The following ADGRD1 variants were observed in gnomAD, a reference collection of about 807,000 sequenced individuals.
ADGRD1 encodes the protein adhesion G protein-coupled receptor D1, also known as G-protein coupled receptor 133.
A neutral mutation model predicts 113.4 loss-of-function variants in ADGRD1; 77 were observed. The observed-to-expected ratio is 0.68, with a 90% CI of 0.57 to 0.82. The LOEUF (loss-of-function observed/expected upper bound fraction) is 0.82. ADGRD1 is among the 40% of genes least tolerant of loss of function. The pLI is 0.00. For missense variants in ADGRD1, 1,036 were observed against 1,139.1 expected (o/e 0.91, Z 1.30); for synonymous variants, 474 against 475.0 (o/e 1.00, Z 0.03).
intron 13 of ADGRD1, among the ~76,000 whole-genome samples, chr12:131,034,929 G>A (rs988965210): frequency 2.6e-5 from 4 of 152,150 alleles, no homozygotes; most frequent in East Asian, 3.9e-4. Context: ...CTGCTCCTCC[G>A]CCCCCTTCAG....
chr12:131,131,441 G>C (rs1950925041), intron 20 of ADGRD1, among the ~76,000 whole-genome samples: 1 of 152,244 alleles, frequency 6.6e-6, no homozygotes, highest in South Asian at 2.1e-4. Flanking sequence ...GCTAAGATGA[G>C]GTCTGGCCCA....
intron 13 of ADGRD1, chr12:131,030,701 T>G (rs1880615437): frequency 1.3e-5 from 2 of 152,276 alleles, no homozygotes. Context: ...GAACTCGCTT[T>G]CCCGTGGCCT....
intron 8 of ADGRD1, among the ~76,000 whole-genome samples, chr12:130,996,306 G>A (rs1459637811): frequency 4.5e-4 from 66 of 146,746 alleles, no homozygotes; most frequent in African/African-American, 1.6e-3. Flanking sequence ...CCTCCCAGAC[G>A]GGGTGGTGGC....
rs1343886480 is a variant in ADGRD1 at position 131,123,054 on chromosome 12, T to G, written c.2175+2141T>G. 8.3e-4 allele frequency among the ~76,000 whole-genome samples: 107 copies of G among 128,262 alleles called. 1 individual carries two copies. Among genetic ancestry groups the G allele is most frequent in the South Asian group, 1.4e-3 (5 of 3,550 alleles). The allele number at this position is 128,262 out of a possible 152,430, so 84.1% of individuals were successfully genotyped here. A position where few individuals can be genotyped will look rare whatever the true frequency, so the allele number is the denominator to read the frequency against. On this transcript the variant is annotated intron_variant, in intron 20 of 24. Coordinates refer to ENST00000261654, the MANE Select transcript of ADGRD1 (RefSeq NM_198827.5). ...TACCTGGGGAGTTTTTTTTTTTTTT[T>G]TTTTTTTTTTTTTTTTTTTGCGACA... is the stretch of plus-strand genomic sequence containing the variant.
chr12:131,112,575 C>T (rs977283709), intron 18 of ADGRD1, among the ~76,000 whole-genome samples: 2 of 152,206 alleles, frequency 1.3e-5, no homozygotes, highest in African/African-American at 4.8e-5. Context: ...TGCAAAGCTC[C>T]GTTCTTTCCC....
rs148759704 is a variant in ADGRD1, at chr12:131,079,344, T to A, written c.1547+2470T>A. ...TTTCACCAGCTTTGCTTTTGTGGGG[T>A]AAACCACACTTGGTCATGATGTATT... On this transcript the variant is annotated intron_variant, in intron 14 of 24. Coordinates refer to ENST00000261654, the MANE Select transcript of ADGRD1 (RefSeq NM_198827.5). Among the ~76,000 whole-genome samples, 175 of 152,312 alleles carry A rather than the reference T, an allele frequency of 1.1e-3. 1 individual carries two copies. Among genetic ancestry groups the A allele is most frequent in the African/African-American group, 4.1e-3 (169 of 41,572 alleles).
In ADGRD1 at chr12:131,111,643, G is replaced by A. The variant is rs111461929; in HGVS notation, c.2041+2766G>A. On this transcript the variant is annotated intron_variant, in intron 18 of 24. Coordinates refer to ENST00000261654, the MANE Select transcript of ADGRD1 (RefSeq NM_198827.5). The stretch of plus-strand genomic sequence containing the variant: ...TTTTTTTCTTTGTTCTTCAAATTGC[G>A]TAATCTTTCTTTATCTCTCTTCAAG... Among the ~76,000 whole-genome samples, 426 of 151,366 alleles carry A rather than the reference G, an allele frequency of 2.8e-3. 2 individuals are homozygous for A. The highest frequency in any genetic ancestry group is 9.4e-3 in the African/African-American group (386 of 41,278).
intron 19 of ADGRD1, among the ~76,000 whole-genome samples, chr12:131,120,522 A>G (rs996306554): frequency 6.6e-6 from 1 of 152,132 alleles, no homozygotes; most frequent in Non-Finnish European, 1.5e-5. Flanking sequence ...GAAGGCCCCT[A>G]TTGGGTCATA....
At chr12:130,982,189 C>T (rs1873089595) in intron 5 of ADGRD1, 126 bp downstream of exon 5, 21 of 805,070 alleles carry the variant, frequency 2.6e-5, no homozygotes, top group Non-Finnish European at 4.1e-5. Flanking sequence ...GGCACCCGAG[C>T]TCCTTTCCTT....
In ADGRD1 at chr12:131,041,745, G is replaced by A. The variant is rs991162904; in HGVS notation, c.1473+27405G>A. Among the ~76,000 whole-genome samples, 13 of 152,160 alleles carry A rather than the reference G, an allele frequency of 8.5e-5. No homozygotes were observed. Among genetic ancestry groups the A allele is most frequent in the South Asian group, 2.1e-4 (1 of 4,832 alleles). The stretch of plus-strand genomic sequence containing the variant: ...GGGGAACACACTGCACGCTGTTGCC[G>A]CAGCCTCCCCCTGCCTGGCGCCTCT... On this transcript the variant is annotated intron_variant, in intron 13 of 24. Coordinates refer to ENST00000261654, the MANE Select transcript of ADGRD1 (RefSeq NM_198827.5). This position sits in a 1 kb window ranked among gnomAD's most constrained non-coding sequence, Gnocchi z 4.4.
chr12:131,089,307 T>C (rs180676127), intron 15 of ADGRD1, among the ~76,000 whole-genome samples: 140 of 152,308 alleles, frequency 9.2e-4, no homozygotes, highest in African/African-American at 3.3e-3. Flanking sequence ...CAAGGGCCAG[T>C]GGGCGGGGCT....
intron 13 of ADGRD1, among the ~76,000 whole-genome samples, chr12:131,042,676 C>T (rs1029448285): frequency 6.6e-6 from 1 of 152,214 alleles, no homozygotes; most frequent in African/African-American, 2.4e-5. Flanking sequence ...ACAGGCGCTG[C>T]GGCTCTGTCT....
chr12:131,046,946 T>G (rs75864971), intron 13 of ADGRD1, among the ~76,000 whole-genome samples: 2 of 139,496 alleles, frequency 1.4e-5, no homozygotes, highest in Admixed American at 7.1e-5. Flanking sequence ...CCCTCCCTGG[T>G]CAGTGTCCTC....
intron 15 of ADGRD1, among the ~76,000 whole-genome samples, chr12:131,085,138 G>C (rs1344938538): frequency 6.6e-6 from 1 of 152,258 alleles, no homozygotes; most frequent in African/African-American, 2.4e-5. Context: ...ATCAGTGGAG[G>C]AAGAAAGTGG....
At chr12:131,067,496 C>T (rs1165369286) in intron 13 of ADGRD1, among the ~76,000 whole-genome samples, 1 of 152,126 alleles carries the variant, frequency 6.6e-6, no homozygotes, top group Non-Finnish European at 1.5e-5. Flanking sequence ...CTGCCCTCTG[C>T]CTCCTATATG....
At chr12:131,062,589 G>A (rs946404451) in intron 13 of ADGRD1, among the ~76,000 whole-genome samples, 2 of 152,098 alleles carry the variant, frequency 1.3e-5, no homozygotes, top group Non-Finnish European at 2.9e-5. Flanking sequence ...TAGTGAATAC[G>A]TCTCTTGAGA....
chr12:131,101,060 C>T (rs1950060712), intron 15 of ADGRD1, among the ~76,000 whole-genome samples: 1 of 152,158 alleles, frequency 6.6e-6, no homozygotes, highest in Non-Finnish European at 1.5e-5. Context: ...GAAAAGCTTC[C>T]CTAATGCATC....
intron 13 of ADGRD1, chr12:131,069,358 G>C (rs965093510): frequency 1.3e-5 from 2 of 152,210 alleles, no homozygotes; most frequent in Non-Finnish European, 2.9e-5. Context: ...CCTGAGTCCT[G>C]AATTGGCCCC....
chr12:131,017,875 A>G (rs1353073953), intron 13 of ADGRD1, among the ~76,000 whole-genome samples: 1 of 143,614 alleles, frequency 7.0e-6, no homozygotes, highest in South Asian at 2.3e-4. Flanking sequence ...CACACTTAGT[A>G]TACACACAGC....
Sources: gnomAD v4.1 joint callset for allele counts (sites outside exome capture counted in the v4.1 genomes callset) on GRCh38, gnomAD v4.1.1 for gene constraint, Gnocchi (gnomAD v3.1) non-coding constraint, MANE v1.5 for transcripts, NCBI Gene and HGNC (gene_info 2026-07-23, HGNC 2026-07-21) for gene names.